Variants in WDHD1 observed in about 807,000 individuals in gnomAD.
WDHD1 encodes the protein WD repeat and HMG-box DNA-binding protein 1.
A neutral mutation model predicts 135.4 loss-of-function variants in WDHD1; 111 were observed. The ratio of observed to expected loss-of-function variants is 0.82; its 90% confidence interval spans 0.70 to 0.96. The LOEUF is 0.96. Among genes scored for constraint, WDHD1 ranks in the 40% least tolerant of loss-of-function variants. The pLI is 0.00. For synonymous variants in WDHD1, 434 were observed against 439.0 expected, an observed-to-expected ratio of 0.99 and a Z score of 0.14; for missense variants, 1,351 against 1,336.3, an observed-to-expected ratio of 1.01 and a Z score of -0.17.
At chr14:54,949,115 G>C (rs2040990116) in intron 24 of WDHD1, among the ~76,000 whole-genome samples, 1 of 152,172 alleles carries the variant, frequency 6.6e-6, no homozygotes, top group African/African-American at 2.4e-5. Context: ...CCAAAGGAAC[G>C]CAGCTCCTCA....
chr14:55,002,436 C>T (rs769356594), intron 7 of WDHD1, among the ~76,000 whole-genome samples: 2 of 151,866 alleles, frequency 1.3e-5, no homozygotes, highest in Non-Finnish European at 2.9e-5. Context: ...GTGCCAGGCG[C>T]AAATCTGTAT....
chr14:55,009,642 G>A (rs930622219), intron 4 of WDHD1, among the ~76,000 whole-genome samples: 5 of 152,012 alleles, frequency 3.3e-5, no homozygotes, highest in Admixed American at 1.3e-4. Context: ...GTGTTGGCCA[G>A]GCTGGTCTTG....
chr14:54,998,038 C>T (rs572953808), intron 10 of WDHD1, among the ~76,000 whole-genome samples: 6 of 151,642 alleles, frequency 4.0e-5, no homozygotes, highest in African/African-American at 7.3e-5. Context: ...ATGGTGAAAC[C>T]CTGTCTCTAC....
At chr14:54,959,612 C>T (rs1179137430) in intron 21 of WDHD1, among the ~76,000 whole-genome samples, 1 of 151,990 alleles carries the variant, frequency 6.6e-6, no homozygotes, top group African/African-American at 2.4e-5. Flanking sequence ...AAAGTACACA[C>T]AAAAAATTAA....
intron 24 of WDHD1, among the ~76,000 whole-genome samples, chr14:54,952,880 T>A (rs1200245228): frequency 6.6e-6 from 1 of 152,184 alleles, no homozygotes; most frequent in Non-Finnish European, 1.5e-5. Context: ...GGGGAAAGGA[T>A]TCCCTATTTA....
chr14:54,993,697 C>T (rs2041828993), intron 11 of WDHD1, among the ~76,000 whole-genome samples: 1 of 152,118 alleles, frequency 6.6e-6, no homozygotes, highest in African/African-American at 2.4e-5. Context: ...GAGAATCCAG[C>T]TATCCTCTAT....
rs570171836 is a variant in WDHD1 at position 54,963,108 on chromosome 14, G to A, written c.2375C>T (p.Ala792Val). ...AGCATATTTAATGGCTAAATTCACA[G>A]CATTTTGAGTCATTAGATCAGCAAG... ...VELADLMTQNAVNLAIKYASR... is the reference protein window; with the variant it reads ...VELADLMTQNVVNLAIKYASR... The change falls in exon 19 of 26, where the codon GCT becomes GTT. Residue 792 changes from alanine to valine, a missense_variant. This residue lies in a region of WDHD1 where 1,330 missense variants were observed against 1,296.1 expected (regional missense o/e 1.03). Transcript: ENST00000360586. 7.2e-7 allele frequency: 1 copy of A among 1,385,754 alleles called. No homozygotes were observed. The highest frequency in any genetic ancestry group is 4.1e-5 in the East Asian group (1 of 24,348). 85.8% of individuals were successfully genotyped at this position (1,385,754 alleles called of 1,614,324 possible).
intron 24 of WDHD1, among the ~76,000 whole-genome samples, chr14:54,946,862 G>A (rs1042063423): frequency 2.0e-5 from 3 of 152,086 alleles, no homozygotes; most frequent in Non-Finnish European, 4.4e-5. Flanking sequence ...TGGCCAACGT[G>A]GCAAACTCCA....
At chr14:54,972,676 C>T (rs2041460551) in intron 16 of WDHD1, among the ~76,000 whole-genome samples, 1 of 143,186 alleles carries the variant, frequency 7.0e-6, no homozygotes, top group South Asian at 2.5e-4. Flanking sequence ...AGAAAAAAAT[C>T]AGGCATGGTA....
At chr14:55,026,318 A>G (rs1566750173) in intron 2 of WDHD1, among the ~76,000 whole-genome samples, 2 of 151,342 alleles carry the variant, frequency 1.3e-5, no homozygotes, top group Non-Finnish European at 2.9e-5. Flanking sequence ...GCCGTCAAAA[A>G]GTTAAAAAAA....
intron 10 of WDHD1, among the ~76,000 whole-genome samples, chr14:54,998,990 C>A (rs1045560182): frequency 3.3e-5 from 5 of 152,172 alleles, no homozygotes; most frequent in African/African-American, 9.7e-5. Context: ...TATCTTTTTA[C>A]ACATACAGTA....
intron 3 of WDHD1, 47 bp downstream of exon 3, chr14:55,013,438 A>C: frequency 7.7e-7 from 1 of 1,295,314 alleles, no homozygotes; most frequent in Non-Finnish European, 1.1e-6. Context: ...CATAAAAATC[A>C]CATGCCAGTA....
intron 2 of WDHD1, among the ~76,000 whole-genome samples, chr14:55,019,188 A>G (rs960723036): frequency 7.2e-5 from 11 of 152,236 alleles, no homozygotes; most frequent in African/African-American, 2.4e-4. Context: ...CATGGGACAG[A>G]CAGGCTAAGA....
intron 25 of WDHD1, 63 bp downstream of exon 25, chr14:54,944,269 C>T (rs1177425818): frequency 1.3e-6 from 2 of 1,588,046 alleles, no homozygotes; most frequent in Non-Finnish European, 8.5e-7. Flanking sequence ...AAAGGCATTT[C>T]TATAAGAATT....
chr14:54,966,370 G>A, intron 18 of WDHD1, 105 bp downstream of exon 18: 3 of 1,297,058 alleles, frequency 2.3e-6, no homozygotes, highest in South Asian at 1.8e-5. Context: ...AAAAACTTAA[G>A]AATCTTAGGT....
At chr14:54,952,527 T>C (rs1003644961) in intron 24 of WDHD1, among the ~76,000 whole-genome samples, 41 of 152,248 alleles carry the variant, frequency 2.7e-4, no homozygotes, top group Admixed American at 2.6e-3. Context: ...TCCACGCTCA[T>C]GGATAGGAAG....
At chr14:54,943,872 C>A (rs1030521408) in intron 25 of WDHD1, among the ~76,000 whole-genome samples, 1 of 151,840 alleles carries the variant, frequency 6.6e-6, no homozygotes, top group Non-Finnish European at 1.5e-5. Context: ...ATTGCTTGTG[C>A]CCAGGAGGTC....
chr14:54,959,349 A>G (rs182443894), intron 21 of WDHD1, among the ~76,000 whole-genome samples: 260 of 121,832 alleles, frequency 2.1e-3, no homozygotes, highest in Middle Eastern at 8.0e-3. Flanking sequence ...AGTGAGCCAT[A>G]ATCACGCCAC....
In WDHD1 at chr14:55,026,807, A is replaced by C. The variant is rs2042453494; in HGVS notation, c.-16-4T>G. ...AGGCATGTTTTCCTTTACCTATCTG[A>C]AAATGTTTTATAAAAGCCAGTCTTA... On this transcript the variant is annotated splice_region_variant and splice_polypyrimidine_tract_variant and intron_variant, in intron 1 of 25. Coordinates refer to ENST00000360586, the MANE Select transcript of WDHD1 (RefSeq NM_007086.4). 1.7e-5 allele frequency: 27 copies of C among 1,613,622 alleles called. No homozygotes were observed. The East Asian group carries it at 6.0e-4, about 36-fold the overall frequency.
Sources: gnomAD v4.1 joint callset for allele counts (sites outside exome capture counted in the v4.1 genomes callset) on GRCh38, gnomAD v4.1.1 for gene constraint, gnomAD v4.1.1 regional missense constraint, MANE v1.5 for transcripts, NCBI Gene and HGNC (gene_info 2026-07-23, HGNC 2026-07-21) for gene names.